Variants in IQSEC3 observed in about 807,000 individuals in gnomAD.
The protein encoded by IQSEC3 is IQ motif and Sec7 domain ArfGEF 3.
IQSEC3 carries 50 observed loss-of-function variants against 105.4 expected under a neutral mutation model. The ratio of observed to expected loss-of-function variants is 0.47; its 90% CI spans 0.38 to 0.60. The LOEUF (loss-of-function observed/expected upper bound fraction) is 0.60, where lower values mean the gene tolerates loss of function less well. IQSEC3 is among the 20% of genes least tolerant of loss of function. The pLI is 0.00. For synonymous variants in IQSEC3, 708 were observed against 746.0 expected, an observed-to-expected ratio of 0.95 and a Z score of 0.83; for missense variants, 1,415 against 1,630.0, an observed-to-expected ratio of 0.87 and a Z score of 2.27.
At chr12:140,981 T>C in intron 4 of IQSEC3, 143 bp from the exon 5 acceptor site, 1 of 799,682 alleles carries the variant, frequency 1.3e-6, no homozygotes, top group Admixed American at 2.6e-5. Context: ...ATTCAGTGGG[T>C]TGAGGCTCTG....
At chr12:109,139 G>T (rs1424398133) in intron 2 of IQSEC3, among the ~76,000 whole-genome samples, 1 of 152,192 alleles carries the variant, frequency 6.6e-6, no homozygotes, top group Admixed American at 6.5e-5. Context: ...CCTGTATTGG[G>T]TTATTAAGTT....
rs782717266 is a variant in IQSEC3, at chr12:157,683, G to A, written c.2432G>A (p.Arg811Gln). 8 of 1,612,784 alleles carry A rather than the reference G, an allele frequency of 5.0e-6. No homozygotes were observed. The highest frequency in any genetic ancestry group is 1.7e-4 in the Middle Eastern group (1 of 6,056). The change falls in exon 7 of 14, where the codon CGA (arginine) becomes CAA (glutamine). Residue 811 changes from arginine to glutamine, a missense_variant. This residue lies in a region of IQSEC3 where 213 missense variants were observed against 306.2 expected (regional missense o/e 0.70). Transcript: ENST00000538872. The part of the protein sequence containing the change: ...DRKMMLEDFI[R>Q]NLRGVDDGAD... ...AAGATGATGCTGGAGGACTTCATCC[G>A]AAACCTTCGAGGTGAGGAGGTGGGC...
At chr12:92,540 C>T (rs1555073747) in intron 1 of IQSEC3, among the ~76,000 whole-genome samples, 1 of 152,218 alleles carries the variant, frequency 6.6e-6, no homozygotes, top group African/African-American at 2.4e-5. Context: ...CTGCCCCCAC[C>T]CCAAGTGTGG....
chr12:124,438 A>G (rs1204013695), intron 2 of IQSEC3, among the ~76,000 whole-genome samples: 1 of 151,922 alleles, frequency 6.6e-6, no homozygotes, highest in Non-Finnish European at 1.5e-5. Flanking sequence ...TACTGAGCAC[A>G]TACTCTGTGC....
chr12:138,152 C>A lies in IQSEC3; in HGVS notation c.904-115C>A. 1 of 944,542 alleles carries A rather than the reference C, an allele frequency of 1.1e-6. No homozygotes were observed. Among genetic ancestry groups the A allele is most frequent in the Non-Finnish European group, 1.6e-6 (1 of 632,264 alleles). 58.5% of individuals were successfully genotyped at this position (944,542 alleles called of 1,614,324 possible). On this transcript the variant is annotated intron_variant, in intron 3 of 13. Transcript: ENST00000538872. The surrounding 1 kb of genome is among the most constrained non-coding windows in gnomAD (Gnocchi z 7.1). ...TAGCTGCCCAGGAGCGCCCCCCCGC[C>A]CCCGTCCATTCCTGGGCCCCACCCG...
rs1248403237 is a variant in IQSEC3 at position 138,221 on chromosome 12, C to A, written c.904-46C>A. Reference sequence around the variant, plus strand: ...CACCACTCCTCAGAAGGGCTGACCACCCTTCCCCTCTGAGCCCTTCCTCCT... The same window carrying A: ...CACCACTCCTCAGAAGGGCTGACCAACCTTCCCCTCTGAGCCCTTCCTCCT... On this transcript the variant is annotated intron_variant, in intron 3 of 13. Transcript: ENST00000538872. This position sits in a 1 kb window ranked among gnomAD's most constrained non-coding sequence, Gnocchi z 7.1. The A allele has an allele frequency of 1.3e-6, 2 of 1,530,060 alleles. No individual in the cohort carries two copies. Among genetic ancestry groups the A allele is most frequent in the Non-Finnish European group, 1.8e-6 (2 of 1,121,590 alleles). The allele number at this position is 1,530,060 out of a possible 1,614,324, so 94.8% of individuals were successfully genotyped here.
At chr12:128,549 C>A (rs529688364) in intron 3 of IQSEC3, among the ~76,000 whole-genome samples, 1 of 152,112 alleles carries the variant, frequency 6.6e-6, no homozygotes, top group Non-Finnish European at 1.5e-5. Flanking sequence ...CCCAGCCCAC[C>A]GACCCGCCAA....
intron 2 of IQSEC3, among the ~76,000 whole-genome samples, chr12:104,570 G>A (rs1555077365): frequency 6.7e-6 from 1 of 148,582 alleles, no homozygotes; most frequent in Non-Finnish European, 1.5e-5. Flanking sequence ...AAAAAAAAAA[G>A]ATTTTGTAGT....
chr12:115,156 C>A (rs1865010272), intron 2 of IQSEC3, among the ~76,000 whole-genome samples: 1 of 152,192 alleles, frequency 6.6e-6, no homozygotes, highest in Admixed American at 6.5e-5. Context: ...TCTGCCATTT[C>A]CATTTCTTGG....
chr12:165,181 G>A (rs944029247), intron 9 of IQSEC3: 32 of 539,552 alleles, frequency 5.9e-5, no homozygotes, highest in Non-Finnish European at 1.1e-4. Flanking sequence ...GACCACATCA[G>A]GTGGGTTTTA....
chr12:168,938 C>A (rs2137065112), intron 11 of IQSEC3, 75 bp from the exon 12 acceptor site: 4 of 1,219,274 alleles, frequency 3.3e-6, no homozygotes, highest in East Asian at 2.3e-5. Context: ...TTTCTGCTGG[C>A]CCCTCATTTC....
chr12:149,576 G>A (rs1478335932), intron 5 of IQSEC3, among the ~76,000 whole-genome samples: 1 of 152,220 alleles, frequency 6.6e-6, no homozygotes, highest in African/African-American at 2.4e-5. Flanking sequence ...AACAGTGATT[G>A]GGTGCCCATA....
At chr12:113,385 A>G (rs553946913) in intron 2 of IQSEC3, among the ~76,000 whole-genome samples, 13 of 152,384 alleles carry the variant, frequency 8.5e-5, no homozygotes, top group African/African-American at 3.1e-4. Context: ...GTTGAAGGTC[A>G]CAAAGGTAGA....
At chr12:99,010 G>A in intron 1 of IQSEC3, 136 bp from the exon 2 acceptor site, 1 of 704,152 alleles carries the variant, frequency 1.4e-6, no homozygotes, top group South Asian at 1.8e-5. Flanking sequence ...GTGATTGGCT[G>A]CCTGATTTTT....
chr12:169,447 C>T (rs998685511), intron 12 of IQSEC3, among the ~76,000 whole-genome samples: 1 of 152,088 alleles, frequency 6.6e-6, no homozygotes, highest in African/African-American at 2.4e-5. Flanking sequence ...CTGGACGAGG[C>T]GAGGTCAAGA....
chr12:138,427 A>C lies in IQSEC3; in HGVS notation c.1064A>C (p.Lys355Thr). ...SRLPRRISLR[K>T]VRSPTAESLA... ...CTGCCACGGCGGATCTCCCTGCGCA[A>C]GGTGCGGTCACCCACGGCCGAGAGC... The change falls in exon 4 of 14, where the codon AAG (lysine) becomes ACG (threonine). Residue 355 changes from lysine (K) to threonine (T), a missense_variant. Transcript: ENST00000538872. The surrounding 1 kb of genome is among the most constrained non-coding windows in gnomAD (Gnocchi z 7.1). The C allele has an allele frequency of 6.2e-7, 1 of 1,607,780 alleles. No individual in the cohort carries two copies. Among genetic ancestry groups the C allele is most frequent in the Non-Finnish European group, 8.5e-7 (1 of 1,179,728 alleles).
chr12:97,455 G>A (rs1346840226), intron 1 of IQSEC3, among the ~76,000 whole-genome samples: 3 of 151,650 alleles, frequency 2.0e-5, no homozygotes, highest in East Asian at 1.9e-4. Flanking sequence ...AGCTTCCTTC[G>A]ATTTTTTCCT....
intron 2 of IQSEC3, among the ~76,000 whole-genome samples, chr12:100,569 C>A (rs553524645): frequency 7.9e-5 from 12 of 152,078 alleles, no homozygotes; most frequent in Non-Finnish European, 1.8e-4. Flanking sequence ...CTCGGAGAGG[C>A]CACACACCCA....
At chr12:137,031 C>T (rs945212345) in intron 3 of IQSEC3, among the ~76,000 whole-genome samples, 2 of 152,112 alleles carry the variant, frequency 1.3e-5, no homozygotes, top group African/African-American at 4.8e-5. Context: ...AGGTGCCATG[C>T]CCCCGAGCCC....
Sources: allele counts gnomAD v4.1 joint callset (sites outside exome capture counted in the v4.1 genomes callset), GRCh38; gene constraint gnomAD v4.1.1; regional missense constraint gnomAD v4.1.1; non-coding constraint Gnocchi (gnomAD v3.1); transcripts MANE v1.5; gene names NCBI Gene and HGNC (gene_info 2026-07-23, HGNC 2026-07-21).